CHCHD6: variants seen among roughly 807,000 people sequenced by gnomAD.
CHCHD6 encodes coiled-coil-helix-coiled-coil-helix domain containing 6.
A neutral mutation model predicts 32.3 loss-of-function variants in CHCHD6; 28 were observed. That is an observed-to-expected ratio of 0.87 (90% CI 0.64 to 1.19). The LOEUF (loss-of-function observed/expected upper bound fraction) is 1.19. Ranked by LOEUF, CHCHD6 falls within the 50% of genes most tolerant of loss-of-function variation. CHCHD6 has a pLI of 0.00. For missense variants in CHCHD6, 333 were observed against 307.0 expected (o/e 1.08, Z -0.63); for synonymous variants, 122 against 117.5 (o/e 1.04, Z -0.25).
At chr3:126,815,942 T>G (rs771677615) in intron 4 of CHCHD6, among the ~76,000 whole-genome samples, 3 of 152,170 alleles carry the variant, frequency 2.0e-5, no homozygotes, top group Non-Finnish European at 4.4e-5. Context: ...CCCTCTGTGC[T>G]TTGTTTAGAA....
chr3:126,704,448 G>A (rs756724510), intron 1 of CHCHD6, 49 bp downstream of exon 1: 8 of 1,250,678 alleles, frequency 6.4e-6, no homozygotes, highest in African/African-American at 6.4e-5. Context: ...CGCGGGCGCG[G>A]GGGGGAGGTG....
At chr3:126,835,291 A>T (rs1050491845) in intron 4 of CHCHD6, among the ~76,000 whole-genome samples, 3 of 152,146 alleles carry the variant, frequency 2.0e-5, no homozygotes, top group Non-Finnish European at 4.4e-5. Flanking sequence ...CGATCCCTCC[A>T]GTAGGTGTGG....
intron 4 of CHCHD6, among the ~76,000 whole-genome samples, chr3:126,829,912 A>G (rs1358251552): frequency 2.6e-5 from 4 of 152,146 alleles, no homozygotes; most frequent in Non-Finnish European, 4.4e-5. Flanking sequence ...AGCCTGGCCA[A>G]CATGGTGAAA....
At chr3:126,863,623 A>G (rs1458316665) in intron 5 of CHCHD6, among the ~76,000 whole-genome samples, 1 of 114,948 alleles carries the variant, frequency 8.7e-6, no homozygotes, top group Non-Finnish European at 1.7e-5. Flanking sequence ...CTCCACCATC[A>G]CCACCTCACC....
rs748360128 is a variant in CHCHD6, at chr3:126,704,374, G to A, written c.62G>A (p.Arg21Gln). 6.3e-7 allele frequency: 1 copy of A among 1,575,182 alleles called. No homozygotes were observed. ...TCCTTCGGAGTGGACGAGGAGGAGCGGGTCCGGGTGCTGCAGGGTGTCCGG... is the reference window on the plus strand; with the variant it reads ...TCCTTCGGAGTGGACGAGGAGGAGCAGGTCCGGGTGCTGCAGGGTGTCCGG... ...RVSFGVDEEE[R>Q]VRVLQGVRLS... is the part of the protein sequence containing the mutation. The change falls in exon 1 of 8, where the codon CGG (arginine) becomes CAG (glutamine). Residue 21 changes from arginine (R) to glutamine (Q), a missense_variant. Arg to Gln is a conservative substitution (Grantham distance 43). Transcript: ENST00000290913.
At chr3:126,822,649 A>G (rs1940199226) in intron 4 of CHCHD6, among the ~76,000 whole-genome samples, 1 of 152,218 alleles carries the variant, frequency 6.6e-6, no homozygotes. Context: ...GAATCTGTAG[A>G]TCAGTTAAAT....
intron 6 of CHCHD6, among the ~76,000 whole-genome samples, chr3:126,943,613 G>A (rs988102226): frequency 2.6e-5 from 4 of 152,160 alleles, no homozygotes; most frequent in East Asian, 1.9e-4. Flanking sequence ...CATGAGGTAC[G>A]GTGAGAGGTG....
chr3:126,883,633 C>G (rs1450030227), intron 5 of CHCHD6, among the ~76,000 whole-genome samples: 1 of 152,142 alleles, frequency 6.6e-6, no homozygotes, highest in Non-Finnish European at 1.5e-5. Context: ...ACCTTTCTGC[C>G]CGGATTACCA....
intron 5 of CHCHD6, among the ~76,000 whole-genome samples, chr3:126,909,809 A>C (rs1246060405): frequency 6.6e-6 from 1 of 152,160 alleles, no homozygotes. Context: ...GGTAGAGCGC[A>C]CTTCAGAGAA....
intron 5 of CHCHD6, among the ~76,000 whole-genome samples, chr3:126,901,056 T>C (rs1247188422): frequency 6.6e-6 from 1 of 152,070 alleles, no homozygotes; most frequent in African/African-American, 2.4e-5. Flanking sequence ...GACATGAGAT[T>C]CAGTAGGGAC....
At chr3:126,731,530 T>C in intron 3 of CHCHD6, among the ~76,000 whole-genome samples, 1 of 152,218 alleles carries the variant, frequency 6.6e-6, no homozygotes, top group East Asian at 1.9e-4. Flanking sequence ...ATCATGCACA[T>C]GAGCACAGCA....
chr3:126,880,621 G>C (rs1308927474), intron 5 of CHCHD6, among the ~76,000 whole-genome samples: 3 of 150,224 alleles, frequency 2.0e-5, no homozygotes, highest in Non-Finnish European at 2.9e-5. Flanking sequence ...AAGGATCTGA[G>C]GGAGACCCAC....
chr3:126,868,447 T>TAAAA (rs201326084), intron 5 of CHCHD6, among the ~76,000 whole-genome samples: 1 of 146,914 alleles, frequency 6.8e-6, no homozygotes, highest in African/African-American at 2.5e-5. Flanking sequence ...CTTTTTTTTT[T>TAAAA]AAAAAAAAAA....
intron 6 of CHCHD6, chr3:126,957,011 G>A: frequency 1.4e-5 from 3 of 215,836 alleles, no homozygotes; most frequent in South Asian, 2.0e-4. Context: ...AGTGGGGCGG[G>A]CTGTCTCAGG....
chr3:126,934,216 T>C (rs1188478359), intron 6 of CHCHD6, among the ~76,000 whole-genome samples: 3 of 152,240 alleles, frequency 2.0e-5, no homozygotes, highest in African/African-American at 7.2e-5. Context: ...AGGAGGTTTG[T>C]GCTGTAAAAG....
At chr3:126,856,501 CCCTTGCCATCTT>C (rs1241863804) in intron 5 of CHCHD6, among the ~76,000 whole-genome samples, 1 of 152,220 alleles carries the variant, frequency 6.6e-6, no homozygotes, top group African/African-American at 2.4e-5. Flanking sequence ...GCCGCTGAAC[CCCTTGCCATCTT>C]AGCTGTGCTC....
At chr3:126,952,072 GA>G (rs1230018900) in intron 6 of CHCHD6, among the ~76,000 whole-genome samples, 2 of 152,234 alleles carry the variant, frequency 1.3e-5, no homozygotes, top group African/African-American at 4.8e-5. Context: ...GATTACCTAA[GA>G]ATGAGTTTTT....
At chr3:126,809,461 A>G (rs1031306771) in intron 4 of CHCHD6, among the ~76,000 whole-genome samples, 1 of 152,222 alleles carries the variant, frequency 6.6e-6, no homozygotes, top group Admixed American at 6.5e-5. Flanking sequence ...TTTACTGTGT[A>G]AAGCTCTGCC....
At chr3:126,929,501 G>A (rs2078372107) in intron 6 of CHCHD6, among the ~76,000 whole-genome samples, 2 of 152,076 alleles carry the variant, frequency 1.3e-5, no homozygotes, top group Admixed American at 1.3e-4. Context: ...CTTCATTCTG[G>A]TAGATTCAGT....
Sources: allele counts gnomAD v4.1 joint callset (sites outside exome capture counted in the v4.1 genomes callset), GRCh38; gene constraint gnomAD v4.1.1; transcripts MANE v1.5; gene names NCBI Gene and HGNC (gene_info 2026-07-23, HGNC 2026-07-21).